CEP170: variants seen among roughly 807,000 people sequenced by gnomAD.
CEP170 encodes centrosomal protein 170, also known as centrosomal protein of 170 kDa.
CEP170 carries 21 observed loss-of-function variants against 151.9 expected under a neutral mutation model. The ratio of observed to expected loss-of-function variants is 0.14; its 90% confidence interval spans 0.10 to 0.20. The LOEUF (loss-of-function observed/expected upper bound fraction) is 0.20, where lower values mean the gene tolerates loss of function less well. Ranked by LOEUF, CEP170 falls within the 10% of genes least tolerant of loss-of-function variation. The pLI is 1.00. For missense variants in CEP170, 964 were observed against 1,892.9 expected, an observed-to-expected ratio of 0.51 and a Z score of 9.11; for synonymous variants, 356 against 648.8, an observed-to-expected ratio of 0.55 and a Z score of 6.86.
intron 3 of CEP170, among the ~76,000 whole-genome samples, chr1:243,217,430 ATTTAAG>A (rs1431899586): frequency 6.6e-6 from 1 of 152,226 alleles, no homozygotes; most frequent in Non-Finnish European, 1.5e-5. Context: ...TAGAAGATCC[ATTTAAG>A]TTTAAGATTG....
At chr1:243,132,983 CA>C (rs1175774502) in intron 17 of CEP170, among the ~76,000 whole-genome samples, 2 of 152,148 alleles carry the variant, frequency 1.3e-5, no homozygotes, top group Non-Finnish European at 2.9e-5. Context: ...CAAGAGGACC[CA>C]TATTGGATAT....
At chr1:243,212,974 T>A (rs2061952909) in intron 3 of CEP170, among the ~76,000 whole-genome samples, 2 of 152,174 alleles carry the variant, frequency 1.3e-5, no homozygotes, top group Non-Finnish European at 2.9e-5. Context: ...CAAATTATAT[T>A]TTCTAGTGGG....
chr1:243,231,156 T>G (rs1041867819), intron 1 of CEP170, among the ~76,000 whole-genome samples: 2 of 52,588 alleles, frequency 3.8e-5, no homozygotes, highest in Non-Finnish European at 1.2e-4. Context: ...CTTTCAAGCA[T>G]CATCATCATC....
At chr1:243,161,397 A>G (rs2148509450) in intron 13 of CEP170, among the ~76,000 whole-genome samples, 1 of 152,074 alleles carries the variant, frequency 6.6e-6, no homozygotes, top group East Asian at 1.9e-4. Context: ...TCAGAGAAAC[A>G]TACAGAACTC....
intron 1 of CEP170, among the ~76,000 whole-genome samples, chr1:243,245,816 C>T (rs2149165048): frequency 6.6e-6 from 1 of 151,996 alleles, no homozygotes; most frequent in East Asian, 1.9e-4. Context: ...CATGGCAGCC[C>T]ATGCCTACAG....
At chr1:243,254,090 T>C (rs767619798) in intron 1 of CEP170, among the ~76,000 whole-genome samples, 1 of 152,064 alleles carries the variant, frequency 6.6e-6, no homozygotes, top group Non-Finnish European at 1.5e-5. Flanking sequence ...AGGCCCTCTC[T>C]AGCCCAGGCT....
chr1:243,183,342 G>T (rs1479725193), intron 10 of CEP170, among the ~76,000 whole-genome samples: 1 of 152,096 alleles, frequency 6.6e-6, no homozygotes, highest in Non-Finnish European at 1.5e-5. Context: ...AACAACAGCT[G>T]ATGGCCCCAA....
At chr1:243,166,231 T>A (rs2058431735) in intron 12 of CEP170, 115 bp from the exon 13 acceptor site, 1 of 1,378,942 alleles carries the variant, frequency 7.3e-7, no homozygotes, top group Non-Finnish European at 9.7e-7. Context: ...GGCCCCTTAT[T>A]CCCCCAGGAT....
intron 1 of CEP170, among the ~76,000 whole-genome samples, chr1:243,234,710 T>C (rs1226839039): frequency 6.6e-6 from 1 of 152,192 alleles, no homozygotes; most frequent in Admixed American, 6.5e-5. Flanking sequence ...ACACCAGAAG[T>C]CTGTCTTTTG....
chr1:243,166,426 A>C, intron 12 of CEP170: 1 of 281,394 alleles, frequency 3.6e-6, no homozygotes, highest in Non-Finnish European at 6.7e-6. Flanking sequence ...AAAAATAAAG[A>C]CTACACACGT....
intron 17 of CEP170, among the ~76,000 whole-genome samples, chr1:243,132,272 C>T (rs1488376736): frequency 6.6e-6 from 1 of 152,226 alleles, no homozygotes; most frequent in African/African-American, 2.4e-5. Context: ...CTCAGACCTA[C>T]CTTTGAATAG....
At chr1:243,167,809 T>C (rs1447616093) in intron 12 of CEP170, among the ~76,000 whole-genome samples, 2 of 151,948 alleles carry the variant, frequency 1.3e-5, no homozygotes, top group East Asian at 3.8e-4. Context: ...ATCTCCTTAG[T>C]GCTAACTGAA....
At chr1:243,206,376 C>T (rs369146823) in intron 4 of CEP170, among the ~76,000 whole-genome samples, 149 of 11,296 alleles carry the variant, frequency 0.013, no homozygotes, top group East Asian at 0.5. Context: ...TCATGATCCG[C>T]TTGCCTTCAG....
chr1:243,157,862 T>C (rs1401070267), intron 13 of CEP170, among the ~76,000 whole-genome samples: 4 of 152,310 alleles, frequency 2.6e-5, no homozygotes, highest in Non-Finnish European at 5.9e-5. Flanking sequence ...CACACCCCTA[T>C]TTACAGATCC....
intron 1 of CEP170, among the ~76,000 whole-genome samples, chr1:243,240,288 C>A (rs1365569366): frequency 3.3e-5 from 5 of 152,056 alleles, no homozygotes; most frequent in Non-Finnish European, 5.9e-5. Flanking sequence ...CCAGCCTGGG[C>A]AACAAGAAAC....
intron 3 of CEP170, among the ~76,000 whole-genome samples, chr1:243,218,575 G>A (rs1159217834): frequency 6.6e-6 from 1 of 152,208 alleles, no homozygotes; most frequent in Non-Finnish European, 1.5e-5. Flanking sequence ...CTGGGCTAGG[G>A]TGAAAGGGGA....
At chr1:243,233,725 T>C (rs1467661560) in intron 1 of CEP170, among the ~76,000 whole-genome samples, 2 of 72,980 alleles carry the variant, frequency 2.7e-5, no homozygotes, top group East Asian at 4.0e-4. Flanking sequence ...AGAGCAAGAC[T>C]CCATCTCAAA....
At chr1:243,157,516 A>G (rs2057669109) in intron 13 of CEP170, among the ~76,000 whole-genome samples, 1 of 152,216 alleles carries the variant, frequency 6.6e-6, no homozygotes, top group Non-Finnish European at 1.5e-5. Flanking sequence ...TTTTTGAAAA[A>G]AATGTAAGAA....
At chr1:243,184,373 TAC>T (rs953776026) in intron 10 of CEP170, among the ~76,000 whole-genome samples, 5 of 152,022 alleles carry the variant, frequency 3.3e-5, no homozygotes, top group Non-Finnish European at 7.4e-5. Flanking sequence ...TATATATATA[TAC>T]ATATAAAATC....
Sources: allele counts gnomAD v4.1 joint callset (sites outside exome capture counted in the v4.1 genomes callset), GRCh38; gene constraint gnomAD v4.1.1; transcripts MANE v1.5; gene names NCBI Gene and HGNC (gene_info 2026-07-23, HGNC 2026-07-21).